PGR: variants seen among roughly 807,000 people sequenced by gnomAD.
PGR encodes the protein nuclear receptor subfamily 3 group C member 3.
In PGR, 25 loss-of-function variants were observed where a neutral mutation model predicts 76.1. The ratio of observed to expected loss-of-function variants is 0.33; its 90% CI spans 0.24 to 0.46. The LOEUF is 0.46. Among genes scored for constraint, PGR ranks in the 20% least tolerant of loss-of-function variants. The pLI, the probability that PGR is intolerant of heterozygous loss-of-function variation, is 1.00. For synonymous variants in PGR, 579 were observed against 535.0 expected (o/e 1.08, Z -1.14); for missense variants, 1,172 against 1,225.3 (o/e 0.96, Z 0.65).
intron 3 of PGR, among the ~76,000 whole-genome samples, chr11:101,080,953 C>T (rs1459401039): frequency 6.6e-6 from 1 of 152,028 alleles, no homozygotes; most frequent in African/African-American, 2.4e-5. Context: ...TTTAAATGAG[C>T]TGTTTTTGAG....
chr11:101,112,912 AT>A (rs1862384703), intron 2 of PGR, among the ~76,000 whole-genome samples: 1 of 152,216 alleles, frequency 6.6e-6, no homozygotes, highest in South Asian at 2.1e-4. Context: ...TGTGCAAGTG[AT>A]TTAAAATCTT....
intron 2 of PGR, among the ~76,000 whole-genome samples, chr11:101,111,123 G>C (rs1862329437): frequency 6.6e-6 from 1 of 152,188 alleles, no homozygotes; most frequent in Non-Finnish European, 1.5e-5. Context: ...GTCTAGAACA[G>C]AACCTGCGAT....
At position 101,042,175 on chromosome 11, in the gene PGR, T is replaced by C; in HGVS notation, c.2489-73A>G. 2.0e-6 allele frequency: 3 copies of C among 1,479,004 alleles called. No homozygotes were observed. In the South Asian group the frequency reaches 3.5e-5, roughly 17 times the overall value. 91.6% of individuals were successfully genotyped at this position (1,479,004 alleles called of 1,614,324 possible). Reference sequence around the variant, plus strand: ...ATTAACAATTTATAACATATATTTCTGAGCTATATAATGATTTCTTCTGAT... The same window carrying C: ...ATTAACAATTTATAACATATATTTCCGAGCTATATAATGATTTCTTCTGAT... On this transcript the variant is annotated intron_variant, in intron 6 of 7. Coordinates refer to ENST00000325455, the MANE Select transcript of PGR (RefSeq NM_000926.4).
At chr11:101,053,232 A>G (rs1367331484) in intron 4 of PGR, among the ~76,000 whole-genome samples, 2 of 152,188 alleles carry the variant, frequency 1.3e-5, no homozygotes, top group Non-Finnish European at 2.9e-5. Flanking sequence ...TTAATTCATT[A>G]GCTATCAAGA....
At chr11:101,089,988 C>T (rs1861624868) in intron 3 of PGR, among the ~76,000 whole-genome samples, 1 of 152,144 alleles carries the variant, frequency 6.6e-6, no homozygotes, top group Non-Finnish European at 1.5e-5. Context: ...CACCTGAGGT[C>T]AGGAGTTCAA....
intron 2 of PGR, among the ~76,000 whole-genome samples, chr11:101,097,960 T>G (rs139922872): frequency 1.3e-5 from 2 of 151,746 alleles, no homozygotes; most frequent in African/African-American, 4.8e-5. Context: ...GTATTTTTAG[T>G]AGAGATGGGG....
chr11:101,112,263 A>T (rs1145465), intron 2 of PGR, among the ~76,000 whole-genome samples: 1 of 152,164 alleles, frequency 6.6e-6, no homozygotes, highest in Non-Finnish European at 1.5e-5. Flanking sequence ...AAGTGAAATC[A>T]ACAAAAGTAG....
At chr11:101,077,528 A>G (rs1861167456) in intron 3 of PGR, among the ~76,000 whole-genome samples, 1 of 152,226 alleles carries the variant, frequency 6.6e-6, no homozygotes, top group Non-Finnish European at 1.5e-5. Context: ...AAAGTCAACT[A>G]CAATGGAGGA....
Position 101,128,088 on chromosome 11 carries a change from C to G in PGR, c.983G>C (p.Ser328Thr), listed in dbSNP as rs1474095345. The G allele has an allele frequency of 6.2e-7, 1 of 1,600,188 alleles. No individual in the cohort carries two copies. The highest frequency in any genetic ancestry group is 8.5e-7 in the Non-Finnish European group (1 of 1,179,686). The stretch of plus-strand genomic sequence containing the variant: ...GGCAGCCCCGGCCCCGCCGTCGTAA[C>G]TTTCGTCTTCCAGCAGCTGCCGAGT... ...ARTRQLLEDE[S>T]YDGGAGAASA... Residue 328 changes from serine to threonine, a missense_variant, in exon 1 of 8, where the codon AGT becomes ACT. Ser to Thr is a moderately conservative substitution (Grantham distance 58, BLOSUM62 1). Around this residue, in one of 4 missense-constraint regions of PGR, gnomAD observed 893 missense variants for 785.9 expected, o/e 1.14. Coordinates refer to ENST00000325455, the MANE Select transcript of PGR (RefSeq NM_000926.4).
rs1862838448 is a variant in PGR at position 101,126,362 on chromosome 11, T to A, written c.1638-204A>T. On this transcript the variant is annotated intron_variant, in intron 1 of 7. Coordinates refer to ENST00000325455, the MANE Select transcript of PGR (RefSeq NM_000926.4). ...ATACTTGCAAATGATTAGCCATTCA[T>A]CAGTAGCACCAATATAAAAGAACAA... Among the ~76,000 whole-genome samples the A allele has an allele frequency of 3.3e-5, 5 of 152,212 alleles. No homozygotes were observed. In the South Asian group the frequency reaches 1.0e-3, roughly 31 times the overall value.
intron 2 of PGR, among the ~76,000 whole-genome samples, chr11:101,108,840 T>C (rs1438717566): frequency 6.6e-6 from 1 of 152,204 alleles, no homozygotes; most frequent in Admixed American, 6.5e-5. Flanking sequence ...TTCACAAATA[T>C]TGTATGTTTT....
At chr11:101,097,458 G>C (rs1861868651) in intron 2 of PGR, among the ~76,000 whole-genome samples, 1 of 152,132 alleles carries the variant, frequency 6.6e-6, no homozygotes, top group South Asian at 2.1e-4. Context: ...ATAGCTACTA[G>C]GTTCTATAAG....
chr11:101,088,688 T>C (rs529737208), intron 3 of PGR, among the ~76,000 whole-genome samples: 10 of 152,290 alleles, frequency 6.6e-5, no homozygotes, highest in East Asian at 3.9e-4. Flanking sequence ...ACTGGATATA[T>C]AGCCAAAAGA....
intron 2 of PGR, among the ~76,000 whole-genome samples, chr11:101,108,229 G>C (rs74320581): frequency 0.017 from 2,375 of 140,764 alleles, 32 homozygotes; most frequent in South Asian, 0.028. Context: ...ACTCCTGGGA[G>C]ACAGAATGAG....
intron 3 of PGR, among the ~76,000 whole-genome samples, chr11:101,069,680 T>A (rs1565342814): frequency 6.6e-6 from 1 of 152,134 alleles, no homozygotes; most frequent in Admixed American, 6.5e-5. Context: ...TATGCAGCCA[T>A]CAAAAGGGAT....
chr11:101,093,616 C>A (rs761365818), intron 2 of PGR, among the ~76,000 whole-genome samples: 1 of 152,106 alleles, frequency 6.6e-6, no homozygotes, highest in Admixed American at 6.5e-5. Context: ...TGCACCACCA[C>A]GCCTGGGTAA....
chr11:101,091,451 C>A (rs1208109472), intron 3 of PGR, among the ~76,000 whole-genome samples: 1 of 152,152 alleles, frequency 6.6e-6, no homozygotes, highest in Non-Finnish European at 1.5e-5. Context: ...AGGAGATGGG[C>A]AGCAAAGCCT....
Position 101,127,913 on chromosome 11 carries a change from C to G in PGR, c.1158G>C (p.Lys386Asn), listed in dbSNP as rs1302242764. The G allele has an allele frequency of 1.2e-6, 2 of 1,603,756 alleles. No homozygotes were observed. The highest frequency in any genetic ancestry group is 2.3e-5 in the East Asian group (1 of 43,942). Residue 386 changes from lysine to asparagine, a missense_variant, in exon 1 of 8, where the codon AAG (lysine) becomes AAC (asparagine). By Grantham distance (94) the Lys-to-Asn change is moderately conservative (BLOSUM62 0). Transcript: ENST00000325455. ...CCGCGCCTTCCTCCTCCTCCTTTAT[C>G]TTTAGAGCGGGCGGCTGGAAGTCGC... ...LYSDFQPPAL[K>N]IKEEEEGAEA...
Position 101,128,042 on chromosome 11 carries a change from C to T in PGR, c.1029G>A (p.Arg343=), listed in dbSNP as rs1478423521. The change falls in exon 1 of 8, where the codon CGG becomes CGA. Residue 343 remains arginine (R), a synonymous_variant. Coordinates refer to ENST00000325455, the MANE Select transcript of PGR (RefSeq NM_000926.4). ...AGAASAFAPP[R]SSPCASSTPV... Reference sequence around the variant, plus strand: ...GGGTGGACGAGGCACAGGGTGAACTCCGCGGCGGGGCAAAGGCGCTGGCAG... The same window carrying T: ...GGGTGGACGAGGCACAGGGTGAACTTCGCGGCGGGGCAAAGGCGCTGGCAG... 6.2e-7 allele frequency: 1 copy of T among 1,605,480 alleles called. No homozygotes were observed. Among genetic ancestry groups the T allele is most frequent in the Non-Finnish European group, 8.5e-7 (1 of 1,179,770 alleles).
Sources: allele counts gnomAD v4.1 joint callset (sites outside exome capture counted in the v4.1 genomes callset), GRCh38; gene constraint gnomAD v4.1.1; regional missense constraint gnomAD v4.1.1; transcripts MANE v1.5; gene names NCBI Gene and HGNC (gene_info 2026-07-23, HGNC 2026-07-21).